The following SNAPC5 variants were observed in gnomAD, a reference collection of about 807,000 sequenced individuals.
SNAPC5 encodes small nuclear RNA activating complex polypeptide 5.
In SNAPC5, 12 loss-of-function variants were observed where a neutral mutation model predicts 9.1. The ratio of observed to expected loss-of-function variants is 1.32; its 90% confidence interval spans 0.85 to 2.15. The LOEUF is 2.15. SNAPC5 is among the 30% of genes most tolerant of loss of function. The pLI is 0.00. For missense variants in SNAPC5, 132 were observed against 114.4 expected, an observed-to-expected ratio of 1.15 and a Z score of -0.70; for synonymous variants, 52 against 47.3, an observed-to-expected ratio of 1.10 and a Z score of -0.41.
downstream of SNAPC5, chr15:66,491,970 A>AG (rs1385667060): frequency 2.2e-6 from 1 of 456,672 alleles, no homozygotes; most frequent in East Asian, 6.9e-5. Flanking sequence ...TCATGCTCAT[A>AG]GGAGGGCCTT....
chr15:66,495,281 C>A, intron 2 of SNAPC5, 49 bp downstream of exon 2: 3 of 1,052,054 alleles, frequency 2.9e-6, no homozygotes, highest in Non-Finnish European at 4.5e-6. Context: ...AGCATGGGAG[C>A]AGAGCAGACT....
chr15:66,497,473 C>G (rs1251066136), intron 1 of SNAPC5, 169 bp downstream of exon 1: 1 of 675,164 alleles, frequency 1.5e-6, no homozygotes, highest in Non-Finnish European at 2.7e-6. Flanking sequence ...AGCAAACTCC[C>G]CAGGTGATTC....
At chr15:66,495,236 T>C in intron 2 of SNAPC5, 94 bp downstream of exon 2, 1 of 834,540 alleles carries the variant, frequency 1.2e-6, no homozygotes, top group Non-Finnish European at 2.1e-6. Flanking sequence ...TTGGGCTAGG[T>C]AATGTGATTT....
chr15:66,495,896 T>C (rs1419145416), intron 1 of SNAPC5, among the ~76,000 whole-genome samples: 1 of 152,158 alleles, frequency 6.6e-6, no homozygotes, highest in Non-Finnish European at 1.5e-5. Context: ...ACCGTGGCAA[T>C]ATAGAAACAC....
downstream of SNAPC5, among the ~76,000 whole-genome samples, chr15:66,492,608 C>G (rs1316914412): frequency 6.6e-6 from 1 of 152,266 alleles, no homozygotes; most frequent in Admixed American, 6.5e-5. Context: ...ATACTACATC[C>G]TTAGAAGAAA....
rs370046305 is a variant in SNAPC5, at chr15:66,494,031, G to A, written c.*405C>T. On this transcript the variant is annotated 3_prime_UTR_variant, in exon 3 of 3. Coordinates refer to ENST00000316634, the MANE Select transcript of SNAPC5 (RefSeq NM_001329615.2). ...TCCTAACTGCTCACAAGGGTTCAGC[G>A]GCATGCAAACAGTCTTTAATTGGTT... 37 of 189,336 alleles carry A rather than the reference G, an allele frequency of 2.0e-4. No individual in the cohort carries two copies. In the East Asian group the frequency reaches 4.6e-3, roughly 23 times the overall value. The allele number at this position is 189,336 out of a possible 1,614,324, so 11.7% of individuals were successfully genotyped here. A position where few individuals can be genotyped will look rare whatever the true frequency, so the allele number is the denominator to read the frequency against.
In SNAPC5 at chr15:66,495,960, C is replaced by T. The variant is rs1000225167; in HGVS notation, c.91-541G>A. Among the ~76,000 whole-genome samples, 8 of 152,172 alleles carry T rather than the reference C, an allele frequency of 5.3e-5. No homozygotes were observed. In the East Asian group the frequency reaches 7.7e-4, roughly 15 times the overall value. On this transcript the variant is annotated intron_variant, in intron 1 of 2. Coordinates refer to ENST00000316634, the MANE Select transcript of SNAPC5 (RefSeq NM_001329615.2). ...TAAGGAGGCCGGGCGCGGTGGCTCACGCCTGTAATCCCAGCACTTTGGGAG... is the reference window on the plus strand; with the variant it reads ...TAAGGAGGCCGGGCGCGGTGGCTCATGCCTGTAATCCCAGCACTTTGGGAG...
At chr15:66,492,222 G>A (rs1223310039), downstream of SNAPC5, 6 of 287,674 alleles carry the variant, frequency 2.1e-5, no homozygotes, top group East Asian at 1.1e-4. Context: ...ATACCTCTCC[G>A]CTCATTATTT....
downstream of SNAPC5, chr15:66,492,324 G>A (rs1893281419): frequency 4.0e-6 from 1 of 250,780 alleles, no homozygotes; most frequent in Non-Finnish European, 7.9e-6. Context: ...CAAAACTTGG[G>A]TAAATAATCT....
At position 66,493,931 on chromosome 15, in the gene SNAPC5, T is replaced by A. The variant is rs1567030305; in HGVS notation, c.*505A>T. 1 of 153,598 alleles carries A rather than the reference T, an allele frequency of 6.5e-6. No homozygotes were observed. The highest frequency in any genetic ancestry group is 2.4e-5 in the African/African-American group (1 of 41,488). The allele number at this position is 153,598 out of a possible 1,614,324, so 9.5% of individuals were successfully genotyped here. On this transcript the variant is annotated 3_prime_UTR_variant, in exon 3 of 3. Transcript: ENST00000316634. ...ATAGCATGCAATATTTCAATGCCTC[T>A]GAGAGGTAGAAACAGCTTGTGCTCT... is the stretch of plus-strand genomic sequence containing the variant.
In SNAPC5 at chr15:66,495,388, C is replaced by G. The variant is rs754988020; in HGVS notation, c.122G>C (p.Ser41Thr). The stretch of plus-strand genomic sequence containing the variant: ...CAGCATCTCATCCCCTCTTCTAGAA[C>G]TGATCATTGATTGGAGGGCTAATTC... ...VEELALQSMI[S>T]SRRGDEMLSS... The change falls in exon 2 of 3, where the codon AGT (serine) becomes ACT (threonine). Residue 41 changes from serine to threonine, a missense_variant. Physicochemically the swap from Ser to Thr is moderately conservative, Grantham distance 58. Transcript: ENST00000316634. 4 of 1,607,674 alleles carry G rather than the reference C, an allele frequency of 2.5e-6. No individual in the cohort carries two copies. Among genetic ancestry groups the G allele is most frequent in the Non-Finnish European group, 3.4e-6 (4 of 1,174,154 alleles).
chr15:66,491,426 T>G (rs1433307455), downstream of SNAPC5: 2 of 228,644 alleles, frequency 8.7e-6, no homozygotes, highest in Non-Finnish European at 1.7e-5. Context: ...GTAAACAACG[T>G]GTATAGTGCC....
chr15:66,497,443 A>C lies in SNAPC5; in HGVS notation c.90+199T>G, dbSNP rs2140705885. On this transcript the variant is annotated intron_variant, in intron 1 of 2. Transcript: ENST00000316634. ...ACTTGCGAGGTCACGATTCTGAAAGATAGGGCCTAAGAAGCGCACAGCAAA... is the reference window on the plus strand; with the variant it reads ...ACTTGCGAGGTCACGATTCTGAAAGCTAGGGCCTAAGAAGCGCACAGCAAA... 4 of 618,158 alleles carry C rather than the reference A, an allele frequency of 6.5e-6. No individual in the cohort carries two copies. In the South Asian group the frequency reaches 7.4e-5, roughly 11 times the overall value. 38.3% of individuals were successfully genotyped at this position (618,158 alleles called of 1,614,324 possible).
At position 66,494,070 on chromosome 15, in the gene SNAPC5, C is replaced by A; in HGVS notation, c.*366G>T. On this transcript the variant is annotated 3_prime_UTR_variant, in exon 3 of 3. Coordinates refer to ENST00000316634, the MANE Select transcript of SNAPC5 (RefSeq NM_001329615.2). ...CTTTAATTGGTTTTCTTCAAAGAGG[C>A]ATTGTTGACTGGAAAGACTGGCTTG... is the stretch of plus-strand genomic sequence containing the variant. The A allele has an allele frequency of 4.9e-6, 1 of 202,410 alleles. No individual in the cohort carries two copies. Among genetic ancestry groups the A allele is most frequent in the Non-Finnish European group, 1.0e-5 (1 of 98,852 alleles). The allele number at this position is 202,410 out of a possible 1,614,324, so 12.5% of individuals were successfully genotyped here. A position where few individuals can be genotyped will look rare whatever the true frequency, so the allele number is the denominator to read the frequency against.
At chr15:66,495,524 TG>T in intron 1 of SNAPC5, 105 bp from the exon 2 acceptor site, 6 of 711,400 alleles carry the variant, frequency 8.4e-6, no homozygotes, top group Non-Finnish European at 1.5e-5. Context: ...AGAGAGGGAA[TG>T]AAAACTATCT....
chr15:66,494,859 G>T lies in SNAPC5; in HGVS notation c.181-307C>A, dbSNP rs1396010944. 3 of 337,012 alleles carry T rather than the reference G, an allele frequency of 8.9e-6. No homozygotes were observed. The Admixed American group carries it at 1.3e-4, about 15-fold the overall frequency. The allele number at this position is 337,012 out of a possible 1,614,324, so 20.9% of individuals were successfully genotyped here. On this transcript the variant is annotated intron_variant, in intron 2 of 2. Transcript: ENST00000316634. ...TAAATGTCTTAACACACAAAATCTG[G>T]GAGAACTGCTCAAATATTGTGTACT...
At chr15:66,490,586 A>G, downstream of SNAPC5, 1 of 1,614,180 alleles carries the variant, frequency 6.2e-7, no homozygotes, top group Non-Finnish European at 8.5e-7. Flanking sequence ...TAACCAGCCC[A>G]GCACACCAAC....
chr15:66,495,505 T>C (rs1376458292), intron 1 of SNAPC5, 86 bp from the exon 2 acceptor site: 2 of 778,040 alleles, frequency 2.6e-6, no homozygotes, highest in Non-Finnish European at 4.6e-6. Flanking sequence ...CTATGAAACA[T>C]TTGCATCAAG....
intron 1 of SNAPC5, 42 bp downstream of exon 1, chr15:66,497,600 C>A (rs778168945): frequency 1.9e-6 from 3 of 1,572,164 alleles, no homozygotes; most frequent in African/African-American, 1.4e-5. Flanking sequence ...AATGGTCGCT[C>A]GGGAGGAATG....
Sources: allele counts gnomAD v4.1 joint callset (sites outside exome capture counted in the v4.1 genomes callset), GRCh38; gene constraint gnomAD v4.1.1; transcripts MANE v1.5; gene names NCBI Gene and HGNC (gene_info 2026-07-23, HGNC 2026-07-21).